Variants in LRRTM4 observed in about 807,000 individuals in gnomAD.
LRRTM4 encodes leucine rich repeat transmembrane neuronal 4, also known as leucine-rich repeat transmembrane neuronal protein 4.
A neutral mutation model predicts 47.6 loss-of-function variants in LRRTM4; 25 were observed. The ratio of observed to expected loss-of-function variants is 0.53; its 90% CI spans 0.38 to 0.73. The LOEUF (loss-of-function observed/expected upper bound fraction) is 0.73, where lower values mean the gene tolerates loss of function less well. LRRTM4 is among the 30% of genes least tolerant of loss of function. LRRTM4 has a pLI of 0.00. For synonymous variants in LRRTM4, 311 were observed against 269.5 expected (o/e 1.15, Z -1.51); for missense variants, 638 against 713.4 (o/e 0.89, Z 1.20).
intron 3 of LRRTM4, among the ~76,000 whole-genome samples, chr2:77,449,801 C>A (rs1676187580): frequency 6.6e-6 from 1 of 152,158 alleles, no homozygotes; most frequent in South Asian, 2.1e-4. Context: ...TCAATTTATG[C>A]CAAAAGGCAT....
intron 3 of LRRTM4, among the ~76,000 whole-genome samples, chr2:77,064,227 C>T (rs1679882291): frequency 6.6e-6 from 1 of 151,926 alleles, no homozygotes; most frequent in South Asian, 2.1e-4. Context: ...TACTTCCACC[C>T]TAGATAATGT....
chr2:76,902,903 G>A (rs1322519188), intron 3 of LRRTM4, among the ~76,000 whole-genome samples: 3 of 151,762 alleles, frequency 2.0e-5, no homozygotes, highest in Admixed American at 6.6e-5. Context: ...ATTTCTTGGT[G>A]TGTTTTAATT....
chr2:77,280,581 G>A (rs1250731292), intron 3 of LRRTM4, among the ~76,000 whole-genome samples: 2 of 151,942 alleles, frequency 1.3e-5, no homozygotes, highest in Admixed American at 6.6e-5. Context: ...TAGCGGTTAA[G>A]GGTGTAATTT....
intron 3 of LRRTM4, among the ~76,000 whole-genome samples, chr2:77,274,733 G>A (rs972253395): frequency 2.0e-5 from 3 of 151,956 alleles, no homozygotes; most frequent in Admixed American, 1.3e-4. Flanking sequence ...TTCCAACATC[G>A]ACTAAAACCT....
chr2:76,886,695 A>C (rs1369134903), intron 3 of LRRTM4, among the ~76,000 whole-genome samples: 1 of 152,068 alleles, frequency 6.6e-6, no homozygotes, highest in Non-Finnish European at 1.5e-5. Context: ...ATTTTTAAGA[A>C]TAACCACTTA....
At chr2:77,085,330 C>A (rs1328498339) in intron 3 of LRRTM4, among the ~76,000 whole-genome samples, 2 of 149,812 alleles carry the variant, frequency 1.3e-5, no homozygotes, top group Non-Finnish European at 3.0e-5. Context: ...ATTTAAGAAT[C>A]ATTGTTTGAA....
intron 3 of LRRTM4, chr2:76,987,264 C>A (rs1186995022): frequency 6.6e-6 from 1 of 151,828 alleles, no homozygotes; most frequent in East Asian, 1.9e-4. Context: ...GCACTTATAA[C>A]ATGCAAGGAA....
At chr2:77,140,285 C>G (rs970450971) in intron 3 of LRRTM4, among the ~76,000 whole-genome samples, 1 of 152,218 alleles carries the variant, frequency 6.6e-6, no homozygotes, top group African/African-American at 2.4e-5. Flanking sequence ...AGATATAGAC[C>G]AGTGGAACAG....
chr2:77,027,520 G>T (rs114028986), intron 3 of LRRTM4, among the ~76,000 whole-genome samples: 1,881 of 152,194 alleles, frequency 0.012, 40 homozygotes, highest in African/African-American at 0.043. Flanking sequence ...AGGGTCTTAT[G>T]GTGGAAACTA....
At chr2:77,458,212 T>C (rs75398034) in intron 3 of LRRTM4, among the ~76,000 whole-genome samples, 2,672 of 152,276 alleles carry the variant, frequency 0.018, 110 homozygotes, top group East Asian at 0.14. Context: ...TCTGTTCAAA[T>C]ATTTCAGGAT....
Position 77,254,606 on chromosome 2 carries a change from C to T in LRRTM4, c.1551+263712G>A, listed in dbSNP as rs112089296. 4.1e-3 allele frequency among the ~76,000 whole-genome samples: 624 copies of T among 151,630 alleles called. 1 individual carries two copies. Among genetic ancestry groups the T allele is most frequent in the African/African-American group, 0.014 (578 of 41,446 alleles). On this transcript the variant is annotated intron_variant, in intron 3 of 3. Transcript: ENST00000409884. ...AAGTAAAAATTTTAACTGCCAAATG[C>T]GGTTCTCAATAAATGTAAAGAGAAT...
chr2:77,043,611 G>A lies in LRRTM4; in HGVS notation c.1552-294695C>T, dbSNP rs112133232. Reference sequence around the variant, plus strand: ...AAGAGAGAGAAAGAGTTAAGCAAGTGCTGTCTTATTCAAAAGGTATAATAT... The same window carrying A: ...AAGAGAGAGAAAGAGTTAAGCAAGTACTGTCTTATTCAAAAGGTATAATAT... On this transcript the variant is annotated intron_variant, in intron 3 of 3. Coordinates refer to ENST00000409884, the MANE Select transcript of LRRTM4 (RefSeq NM_001134745.3). Among the ~76,000 whole-genome samples the A allele has an allele frequency of 6.6e-3, 1,008 of 151,856 alleles. 12 individuals are homozygous for A. The highest frequency in any genetic ancestry group is 0.023 in the African/African-American group (972 of 41,478).
At chr2:76,784,855 G>A (rs903392229) in intron 3 of LRRTM4, among the ~76,000 whole-genome samples, 19 of 152,012 alleles carry the variant, frequency 1.2e-4, no homozygotes, top group African/African-American at 4.6e-4. Flanking sequence ...TAACTGTTCA[G>A]CCCAGCATGT....
chr2:76,807,447 T>TATATATATAC (rs1384446349), intron 3 of LRRTM4, among the ~76,000 whole-genome samples: 2 of 90,774 alleles, frequency 2.2e-5, no homozygotes, highest in African/African-American at 1.4e-4. Context: ...CGTATATACA[T>TATATATATAC]ATATATATAT....
intron 3 of LRRTM4, among the ~76,000 whole-genome samples, chr2:77,218,211 C>G (rs972163977): frequency 6.6e-6 from 1 of 152,106 alleles, no homozygotes; most frequent in South Asian, 2.1e-4. Flanking sequence ...TCAGGCTGGT[C>G]TCGAACTCCC....
At chr2:77,418,338 G>A (rs527584640) in intron 3 of LRRTM4, among the ~76,000 whole-genome samples, 1 of 152,212 alleles carries the variant, frequency 6.6e-6, no homozygotes, top group South Asian at 2.1e-4. Flanking sequence ...TTCAATTTTT[G>A]AAGAGTTTAT....
chr2:76,800,795 A>T lies in LRRTM4; in HGVS notation c.1552-51879T>A, dbSNP rs571812473. On this transcript the variant is annotated intron_variant, in intron 3 of 3. Coordinates refer to ENST00000409884, the MANE Select transcript of LRRTM4 (RefSeq NM_001134745.3). ...AACCCCATCAAAAAGTGGGCGAAGG[A>T]CATGAACAGACACTTCTCAAAAGAA... Among the ~76,000 whole-genome samples the T allele has an allele frequency of 7.4e-3, 1,056 of 142,142 alleles. 42 individuals carry two copies. The highest frequency in any genetic ancestry group is 0.026 in the East Asian group (111 of 4,230). The allele number at this position is 142,142 out of a possible 152,430, so 93.3% of individuals were successfully genotyped here. A position where few individuals can be genotyped will look rare whatever the true frequency, so the allele number is the denominator to read the frequency against.
intron 3 of LRRTM4, among the ~76,000 whole-genome samples, chr2:76,825,958 C>T (rs542586484): frequency 6.6e-6 from 1 of 151,632 alleles, no homozygotes. Context: ...TATATTTTTA[C>T]AAACCACAAA....
intron 3 of LRRTM4, among the ~76,000 whole-genome samples, chr2:77,304,170 G>A (rs1677211151): frequency 6.6e-6 from 1 of 151,958 alleles, no homozygotes. Flanking sequence ...TATCTTATTG[G>A]GATTTTGCTC....
Sources: gnomAD v4.1 joint callset for allele counts (sites outside exome capture counted in the v4.1 genomes callset) on GRCh38, gnomAD v4.1.1 for gene constraint, MANE v1.5 for transcripts, NCBI Gene and HGNC (gene_info 2026-07-23, HGNC 2026-07-21) for gene names.